The following OAS2 variants were observed in gnomAD, a reference collection of about 807,000 sequenced individuals.
OAS2 encodes the protein 2'-5'-oligoadenylate synthetase 2.
OAS2 carries 67 observed loss-of-function variants against 71.3 expected under a neutral mutation model. That is an observed-to-expected ratio of 0.94 (90% confidence interval 0.77 to 1.15). The LOEUF (loss-of-function observed/expected upper bound fraction) is 1.15, where lower values mean the gene tolerates loss of function less well. Ranked by LOEUF, OAS2 falls within the 50% of genes most tolerant of loss-of-function variation. The probability of loss-of-function intolerance (pLI) is 0.00; values close to 1 mark genes in which losing one functional copy is unlikely to be tolerated. For missense variants in OAS2, 789 were observed against 822.5 expected, an observed-to-expected ratio of 0.96 and a Z score of 0.50; for synonymous variants, 327 against 321.8, an observed-to-expected ratio of 1.02 and a Z score of -0.17.
chr12:113,007,569 A>G, intron 8 of OAS2, 136 bp from the exon 9 acceptor site: 1 of 733,476 alleles, frequency 1.4e-6, no homozygotes, highest in East Asian at 2.5e-5. Flanking sequence ...TAGGCTGTAC[A>G]ATTTAGACAT....
At chr12:112,993,696 AG>A (rs1344258437) in intron 2 of OAS2, among the ~76,000 whole-genome samples, 2 of 151,600 alleles carry the variant, frequency 1.3e-5, no homozygotes, top group African/African-American at 2.4e-5. Flanking sequence ...CCTGGGCAAC[AG>A]GCTTTTTTTT....
chr12:113,000,634 C>T (rs890353962), intron 5 of OAS2, among the ~76,000 whole-genome samples: 7 of 149,766 alleles, frequency 4.7e-5, no homozygotes, highest in Non-Finnish European at 5.9e-5. Flanking sequence ...CATGCACACA[C>T]GTACTCACAC....
intron 2 of OAS2, among the ~76,000 whole-genome samples, chr12:112,989,006 A>T (rs1426347914): frequency 6.6e-6 from 1 of 152,200 alleles, no homozygotes; most frequent in African/African-American, 2.4e-5. Context: ...GATGACATGT[A>T]CCCAAAGTGC....
At chr12:113,004,487 C>G (rs1473752842) in intron 6 of OAS2, among the ~76,000 whole-genome samples, 2 of 152,302 alleles carry the variant, frequency 1.3e-5, no homozygotes, top group Admixed American at 6.5e-5. Context: ...AGTTTACCAA[C>G]CCTGTACCTC....
intron 3 of OAS2, 122 bp downstream of exon 3, chr12:112,995,596 G>A: frequency 1.1e-6 from 1 of 918,570 alleles, no homozygotes; most frequent in Non-Finnish European, 1.6e-6. Context: ...AATCTTACCA[G>A]CAACACCCAA....
intron 2 of OAS2, among the ~76,000 whole-genome samples, chr12:112,992,093 C>T (rs1227757597): frequency 7.3e-6 from 1 of 137,146 alleles, no homozygotes; most frequent in Non-Finnish European, 1.6e-5. Flanking sequence ...CACATATAAT[C>T]ACAAACTTAA....
chr12:113,002,363 C>G (rs943543803), intron 5 of OAS2, among the ~76,000 whole-genome samples: 3 of 152,236 alleles, frequency 2.0e-5, no homozygotes, highest in Admixed American at 1.3e-4. Flanking sequence ...GGACTTTGAA[C>G]TGTTGGCCTC....
intron 5 of OAS2, among the ~76,000 whole-genome samples, chr12:113,001,971 A>G (rs571356586): frequency 6.6e-6 from 1 of 151,510 alleles, no homozygotes. Context: ...GGAATTGGAG[A>G]CTGCAGTGAG....
intron 3 of OAS2, among the ~76,000 whole-genome samples, 193 bp downstream of exon 3, chr12:112,995,667 T>C (rs1417572916): frequency 1.3e-5 from 2 of 152,194 alleles, no homozygotes; most frequent in Admixed American, 6.5e-5. Context: ...GTCCCCCTAG[T>C]AATCCTCCCA....
intron 6 of OAS2, among the ~76,000 whole-genome samples, chr12:113,004,632 A>G (rs577415627): frequency 6.6e-6 from 1 of 152,336 alleles, no homozygotes; most frequent in Admixed American, 6.5e-5. Flanking sequence ...AAAGCTAAAT[A>G]TGTCTTTAGG....
At chr12:112,980,789 C>T (rs1259492922) in intron 1 of OAS2, among the ~76,000 whole-genome samples, 1 of 152,058 alleles carries the variant, frequency 6.6e-6, no homozygotes, top group Non-Finnish European at 1.5e-5. Flanking sequence ...TTTTAGAAAC[C>T]TCCATACTGT....
Position 112,978,859 on chromosome 12 carries a change from T to A in OAS2, c.177+74T>A. 6.9e-7 allele frequency: 1 copy of A among 1,444,540 alleles called. No individual in the cohort carries two copies. The highest frequency in any genetic ancestry group is 9.4e-7 in the Non-Finnish European group (1 of 1,061,430). 89.5% of individuals were successfully genotyped at this position (1,444,540 alleles called of 1,614,324 possible). ...GCGGCAGCAAGGCCGAGCTACTGGG[T>A]GCTGGGTGCCTATTATGTGCGAGGC... On this transcript the variant is annotated intron_variant, in intron 1 of 9. Transcript: ENST00000392583. This position sits in a 1 kb window ranked among gnomAD's most constrained non-coding sequence, Gnocchi z 4.2.
At chr12:112,990,873 C>G (rs1043242540) in intron 2 of OAS2, among the ~76,000 whole-genome samples, 1 of 152,290 alleles carries the variant, frequency 6.6e-6, no homozygotes, top group South Asian at 2.1e-4. Context: ...TGAGCTCCCC[C>G]TTCCCATCAT....
chr12:113,003,132 G>C, intron 6 of OAS2, 30 bp downstream of exon 6: 1 of 1,610,478 alleles, frequency 6.2e-7, no homozygotes, highest in Non-Finnish European at 8.5e-7. Context: ...ATGTCTTGTT[G>C]GAATGATGTA....
intron 1 of OAS2, among the ~76,000 whole-genome samples, chr12:112,981,128 G>A (rs1456885317): frequency 6.6e-6 from 1 of 151,986 alleles, no homozygotes; most frequent in Non-Finnish European, 1.5e-5. Flanking sequence ...AACCCTTGTT[G>A]GAAAAATAGT....
chr12:113,005,918 C>CAACAACAACAACAACAAAAAAAAA (rs1555229554), intron 7 of OAS2, among the ~76,000 whole-genome samples: 1 of 49,044 alleles, frequency 2.0e-5, no homozygotes, highest in African/African-American at 1.2e-4. Flanking sequence ...ACAACAACAA[C>CAACAACAACAACAACAAAAAAAAA]AAAAAAAAAA....
intron 1 of OAS2, among the ~76,000 whole-genome samples, chr12:112,980,375 C>G (rs752483342): frequency 6.6e-5 from 10 of 152,160 alleles, no homozygotes; most frequent in Non-Finnish European, 1.5e-4. Context: ...ATGTTTGTAT[C>G]CATTAACCAA....
Position 113,010,265 on chromosome 12 carries a change from A to T in OAS2, c.*1010A>T. On this transcript the variant is annotated 3_prime_UTR_variant, in exon 10 of 10. Coordinates refer to ENST00000392583, the MANE Select transcript of OAS2 (RefSeq NM_002535.3). ...TAAATACCAAAAAATTGTCTCTGGCAATAGTTACCTTCCCAGATACAGGTC... is the reference window on the plus strand; with the variant it reads ...TAAATACCAAAAAATTGTCTCTGGCTATAGTTACCTTCCCAGATACAGGTC... The T allele has an allele frequency of 6.7e-7, 1 of 1,483,890 alleles. No homozygotes were observed. Among genetic ancestry groups the T allele is most frequent in the Admixed American group, 2.3e-5 (1 of 42,774 alleles). The allele number at this position is 1,483,890 out of a possible 1,614,324, so 91.9% of individuals were successfully genotyped here. A position where few individuals can be genotyped will look rare whatever the true frequency, so the allele number is the denominator to read the frequency against.
intron 2 of OAS2, chr12:112,987,938 A>T: frequency 2.0e-6 from 2 of 985,492 alleles, no homozygotes; most frequent in Non-Finnish European, 2.4e-6. Context: ...GCATATTGTT[A>T]AAGTAACCTC....
Sources: gnomAD v4.1 joint callset for allele counts (sites outside exome capture counted in the v4.1 genomes callset) on GRCh38, gnomAD v4.1.1 for gene constraint, Gnocchi (gnomAD v3.1) non-coding constraint, MANE v1.5 for transcripts, NCBI Gene and HGNC (gene_info 2026-07-23, HGNC 2026-07-21) for gene names.